EPHB1: variants seen among roughly 807,000 people sequenced by gnomAD.
EPHB1 encodes the protein EPH receptor B1, also known as ephrin type-B receptor 1.
EPHB1 carries 30 observed loss-of-function variants against 94.4 expected under a neutral mutation model. The observed-to-expected ratio is 0.32, with a 90% CI of 0.24 to 0.43. EPHB1 has a LOEUF of 0.43. EPHB1 is among the 20% of genes least tolerant of loss of function. The pLI, the probability that EPHB1 is intolerant of heterozygous loss-of-function variation, is 1.00. For missense variants in EPHB1, 1,055 were observed against 1,308.3 expected (o/e 0.81, Z 2.99); for synonymous variants, 522 against 489.1 (o/e 1.07, Z -0.89).
Position 135,259,101 on chromosome 3 carries a change from C to A in EPHB1, c.2936C>A (p.Ser979Ter). 1 of 1,608,912 alleles carries A rather than the reference C, an allele frequency of 6.2e-7. No individual in the cohort carries two copies. Among genetic ancestry groups the A allele is most frequent in the South Asian group, 1.1e-5 (1 of 89,342 alleles). Residue 979 changes from serine to a stop codon, truncating the protein, a stop_gained, in exon 16 of 16, where the codon TCA (serine) becomes TAA (stop). Transcript: ENST00000398015. LOFTEE classifies it high-confidence loss of function. ...TCTATGAGGGTCCAGATAAGTCAGTCACCAACGGCAATGGCATGAGAACTC... is the reference window on the plus strand; with the variant it reads ...TCTATGAGGGTCCAGATAAGTCAGTAACCAACGGCAATGGCATGAGAACTC... ...IHSMRVQISQSPTAMA is the reference protein window; with the variant it reads ...IHSMRVQISQ
At chr3:135,066,925 TC>T (rs1937587546) in intron 3 of EPHB1, among the ~76,000 whole-genome samples, 1 of 152,192 alleles carries the variant, frequency 6.6e-6, no homozygotes, top group Non-Finnish European at 1.5e-5. Context: ...GGATGTGGCT[TC>T]CTGAGAGCCA....
At chr3:134,818,905 C>G (rs2036324887) in intron 1 of EPHB1, among the ~76,000 whole-genome samples, 1 of 152,184 alleles carries the variant, frequency 6.6e-6, no homozygotes, top group Non-Finnish European at 1.5e-5. Flanking sequence ...CTCCAAGCAT[C>G]TGGCCCCTCC....
intron 9 of EPHB1, among the ~76,000 whole-genome samples, chr3:135,178,679 A>G (rs1942062155): frequency 6.6e-6 from 1 of 151,998 alleles, no homozygotes; most frequent in Non-Finnish European, 1.5e-5. Context: ...GGGGTGGGGA[A>G]CATGAAGAGG....
intron 12 of EPHB1, among the ~76,000 whole-genome samples, chr3:135,217,227 G>T (rs910173087): frequency 6.6e-6 from 1 of 152,092 alleles, no homozygotes; most frequent in Non-Finnish European, 1.5e-5. Context: ...CCTGGTAGCA[G>T]CAGGGCACTG....
chr3:134,851,233 A>C (rs1226010118), intron 1 of EPHB1, among the ~76,000 whole-genome samples: 2 of 152,220 alleles, frequency 1.3e-5, no homozygotes, highest in Non-Finnish European at 2.9e-5. Context: ...ACTTTATGCT[A>C]TGCAAGCTTC....
At chr3:135,122,275 G>T (rs1243453957) in intron 4 of EPHB1, among the ~76,000 whole-genome samples, 1 of 152,184 alleles carries the variant, frequency 6.6e-6, no homozygotes, top group Non-Finnish European at 1.5e-5. Flanking sequence ...TCACACTTTG[G>T]CAAGGCTAAG....
chr3:135,007,881 G>C (rs1340412558), intron 3 of EPHB1, among the ~76,000 whole-genome samples: 1 of 152,158 alleles, frequency 6.6e-6, no homozygotes, highest in Non-Finnish European at 1.5e-5. Flanking sequence ...CAGGACGAAG[G>C]GCAGCACCAG....
intron 6 of EPHB1, among the ~76,000 whole-genome samples, chr3:135,158,416 G>T (rs1000356008): frequency 1.3e-5 from 2 of 152,172 alleles, no homozygotes; most frequent in Admixed American, 1.3e-4. Flanking sequence ...CCTTTGTAGC[G>T]GGAAAGTAGC....
At chr3:134,954,683 T>G (rs1372018215) in intron 3 of EPHB1, among the ~76,000 whole-genome samples, 2 of 152,226 alleles carry the variant, frequency 1.3e-5, no homozygotes, top group African/African-American at 4.8e-5. Flanking sequence ...ACTGGGACTT[T>G]GTAGGGTGGC....
intron 12 of EPHB1, among the ~76,000 whole-genome samples, chr3:135,208,111 A>T (rs1333596869): frequency 2.6e-5 from 4 of 152,196 alleles, no homozygotes; most frequent in Non-Finnish European, 5.9e-5. Flanking sequence ...GGCAGCATAT[A>T]CAAAGGCCCT....
At chr3:135,173,589 C>T (rs1189966815) in intron 9 of EPHB1, among the ~76,000 whole-genome samples, 1 of 152,200 alleles carries the variant, frequency 6.6e-6, no homozygotes, top group Admixed American at 6.5e-5. Context: ...AAGACAACCA[C>T]CCAGTGTCCT....
chr3:135,068,660 T>G (rs1009704306), intron 3 of EPHB1, among the ~76,000 whole-genome samples: 1 of 151,532 alleles, frequency 6.6e-6, no homozygotes, highest in Non-Finnish European at 1.5e-5. Flanking sequence ...TTTTTTTTTT[T>G]GTTTTTGAGA....
Position 135,201,796 on chromosome 3 carries a change from C to T in EPHB1, c.2346+107C>T, listed in dbSNP as rs541743251. On this transcript the variant is annotated intron_variant, in intron 12 of 15. Coordinates refer to ENST00000398015, the MANE Select transcript of EPHB1 (RefSeq NM_004441.5). ...ACACTGGGAGGGAATGGAACCTGAA[C>T]TGAGCTCTCCACTGAAAGACCAAGA... 32 of 1,073,018 alleles carry T rather than the reference C, an allele frequency of 3.0e-5. No individual in the cohort carries two copies. In the South Asian group the frequency reaches 3.4e-4, roughly 11 times the overall value. 66.5% of individuals were successfully genotyped at this position (1,073,018 alleles called of 1,614,324 possible).
intron 1 of EPHB1, among the ~76,000 whole-genome samples, chr3:134,814,572 G>A (rs1320778522): frequency 6.6e-6 from 1 of 152,118 alleles, no homozygotes; most frequent in Non-Finnish European, 1.5e-5. Flanking sequence ...AAAAGGCAGG[G>A]CATAGGAATT....
chr3:135,129,578 G>A (rs936276943), intron 4 of EPHB1, among the ~76,000 whole-genome samples: 1 of 152,218 alleles, frequency 6.6e-6, no homozygotes, highest in Non-Finnish European at 1.5e-5. Flanking sequence ...GCTGTCTGGG[G>A]ATAGTAATTA....
chr3:135,174,708 G>T (rs907929828), intron 9 of EPHB1, among the ~76,000 whole-genome samples: 2 of 152,198 alleles, frequency 1.3e-5, no homozygotes, highest in African/African-American at 4.8e-5. Flanking sequence ...AAGATTGGAT[G>T]AAGTCCCTGT....
chr3:134,960,014 G>A (rs1225162869), intron 3 of EPHB1, among the ~76,000 whole-genome samples: 15 of 102,004 alleles, frequency 1.5e-4, no homozygotes, highest in Non-Finnish European at 2.0e-4. Flanking sequence ...TTTTTGCATG[G>A]ACGGAGACTC....
chr3:134,927,065 G>T (rs2038806779), intron 2 of EPHB1, among the ~76,000 whole-genome samples: 1 of 152,198 alleles, frequency 6.6e-6, no homozygotes, highest in East Asian at 1.9e-4. Flanking sequence ...ATCCCAGCCA[G>T]TGGGTGATGT....
Position 134,977,814 on chromosome 3 carries a change from C to T in EPHB1, c.805+25762C>T, listed in dbSNP as rs1934247152. ...CTCCACAGAGGGATAGGAGTAGAGG[C>T]CTGACCCCAGGAGATGTTGGAAACC... On this transcript the variant is annotated intron_variant, in intron 3 of 15. Coordinates refer to ENST00000398015, the MANE Select transcript of EPHB1 (RefSeq NM_004441.5). Among the ~76,000 whole-genome samples the T allele has an allele frequency of 2.6e-5, 4 of 152,158 alleles. No individual in the cohort carries two copies. In the South Asian group the frequency reaches 8.3e-4, roughly 32 times the overall value.
Sources: gnomAD v4.1 joint callset for allele counts (sites outside exome capture counted in the v4.1 genomes callset) on GRCh38, gnomAD v4.1.1 for gene constraint, MANE v1.5 for transcripts, NCBI Gene and HGNC (gene_info 2026-07-23, HGNC 2026-07-21) for gene names.